ATP6V1H: variants seen among roughly 807,000 people sequenced by gnomAD.
The protein encoded by ATP6V1H is V-type proton ATPase subunit H.
ATP6V1H carries 39 observed loss-of-function variants against 71.7 expected under a neutral mutation model. The ratio of observed to expected loss-of-function variants is 0.54; its 90% CI spans 0.42 to 0.71. The LOEUF (loss-of-function observed/expected upper bound fraction) is 0.71. Ranked by LOEUF, ATP6V1H falls within the 30% of genes least tolerant of loss-of-function variation. ATP6V1H has a pLI of 0.00. For missense variants in ATP6V1H, 509 were observed against 594.9 expected (o/e 0.86, Z 1.50); for synonymous variants, 192 against 199.3 (o/e 0.96, Z 0.31).
At chr8:53,756,527 C>T (rs747827844) in intron 12 of ATP6V1H, 28 bp downstream of exon 12, 4 of 1,582,980 alleles carry the variant, frequency 2.5e-6, no homozygotes, top group Middle Eastern at 1.7e-4. Context: ...TTTCAAGAAA[C>T]CAAATGAAAT....
chr8:53,758,349 T>A (rs184736186), intron 11 of ATP6V1H, among the ~76,000 whole-genome samples: 1 of 151,884 alleles, frequency 6.6e-6, no homozygotes, highest in East Asian at 1.9e-4. Flanking sequence ...TAGCTCAGAG[T>A]CGTCAGAGCT....
chr8:53,829,636 T>C (rs1810940538), intron 3 of ATP6V1H, 103 bp from the exon 4 acceptor site: 8 of 683,844 alleles, frequency 1.2e-5, no homozygotes, highest in Non-Finnish European at 1.9e-5. Flanking sequence ...AGGATACAAA[T>C]ATTACTAACA....
At chr8:53,734,011 C>T (rs1807115389) in intron 13 of ATP6V1H, among the ~76,000 whole-genome samples, 1 of 152,168 alleles carries the variant, frequency 6.6e-6, no homozygotes, top group Non-Finnish European at 1.5e-5. Context: ...TGTTTGAGGG[C>T]CTTAACAGCA....
intron 9 of ATP6V1H, among the ~76,000 whole-genome samples, chr8:53,781,300 A>C (rs1809118448): frequency 6.6e-6 from 1 of 152,182 alleles, no homozygotes. Flanking sequence ...AGTGATGATG[A>C]GCATTTTTTC....
At chr8:53,775,952 C>T (rs916235916) in intron 9 of ATP6V1H, among the ~76,000 whole-genome samples, 1 of 152,228 alleles carries the variant, frequency 6.6e-6, no homozygotes, top group African/African-American at 2.4e-5. Context: ...GAGCAGGGGG[C>T]GGTGCTCATC....
rs1471478139 is a variant in ATP6V1H, at chr8:53,841,726, C to G, written c.-35-1G>C. ...TAATCTTGAATGTCTTTCAACAAAT[C>G]TTCAATTTTGATGCAAGGTAAAAAC... On this transcript the variant is annotated splice_acceptor_variant, in intron 1 of 13. Coordinates refer to ENST00000359530, the MANE Select transcript of ATP6V1H (RefSeq NM_015941.4). LOFTEE classifies it low-confidence loss of function (5UTR_SPLICE). 6.2e-7 allele frequency: 1 copy of G among 1,605,108 alleles called. No individual in the cohort carries two copies. Among genetic ancestry groups the G allele is most frequent in the Non-Finnish European group, 8.5e-7 (1 of 1,175,384 alleles).
intron 2 of ATP6V1H, among the ~76,000 whole-genome samples, chr8:53,837,717 C>G (rs1811205470): frequency 6.6e-6 from 1 of 152,086 alleles, no homozygotes; most frequent in South Asian, 2.1e-4. Context: ...TTTTTGAAAT[C>G]ACTCTCGCAG....
intron 13 of ATP6V1H, among the ~76,000 whole-genome samples, chr8:53,731,178 C>T (rs1028943407): frequency 3.9e-5 from 6 of 152,022 alleles, no homozygotes; most frequent in Admixed American, 1.3e-4. Context: ...CCAGCCACAT[C>T]TCCACCAACT....
intron 13 of ATP6V1H, among the ~76,000 whole-genome samples, chr8:53,734,325 A>G (rs1255996029): frequency 6.6e-6 from 1 of 152,220 alleles, no homozygotes; most frequent in Non-Finnish European, 1.5e-5. Flanking sequence ...CTTAGGCATC[A>G]GTGGACTGGG....
chr8:53,754,393 A>C (rs535972514), intron 12 of ATP6V1H, among the ~76,000 whole-genome samples: 4 of 152,252 alleles, frequency 2.6e-5, no homozygotes, highest in African/African-American at 9.6e-5. Flanking sequence ...AATTAGTTTT[A>C]TATGCCATTT....
chr8:53,733,518 T>C (rs914775997), intron 13 of ATP6V1H, among the ~76,000 whole-genome samples: 6 of 152,212 alleles, frequency 3.9e-5, no homozygotes, highest in African/African-American at 1.2e-4. Flanking sequence ...CCTGGAGGAC[T>C]GTGGGTATAA....
chr8:53,741,739 G>A (rs566870270), intron 13 of ATP6V1H, among the ~76,000 whole-genome samples: 80 of 152,268 alleles, frequency 5.3e-4, no homozygotes, highest in Non-Finnish European at 8.7e-4. Flanking sequence ...AAACCATTCT[G>A]GGGTTTTCAC....
intron 13 of ATP6V1H, among the ~76,000 whole-genome samples, chr8:53,720,105 T>A (rs1301868036): frequency 6.6e-6 from 1 of 152,210 alleles, no homozygotes; most frequent in Non-Finnish European, 1.5e-5. Flanking sequence ...AATTTCAACT[T>A]ATAATTCAGT....
chr8:53,787,453 A>G (rs1440658948), intron 9 of ATP6V1H, among the ~76,000 whole-genome samples: 1 of 152,246 alleles, frequency 6.6e-6, no homozygotes, highest in Non-Finnish European at 1.5e-5. Flanking sequence ...ATGCGTGTGC[A>G]TGTTTATGTC....
chr8:53,832,883 C>T (rs1241577783), intron 3 of ATP6V1H, 101 bp downstream of exon 3: 1 of 717,976 alleles, frequency 1.4e-6, no homozygotes, highest in African/African-American at 1.8e-5. Context: ...ACGTTCTTTC[C>T]AAATTAGCAA....
chr8:53,760,523 C>T (rs547532301), intron 11 of ATP6V1H, among the ~76,000 whole-genome samples: 2 of 152,298 alleles, frequency 1.3e-5, no homozygotes, highest in East Asian at 3.9e-4. Context: ...ACTTTATTTC[C>T]TTATATTCCT....
intron 13 of ATP6V1H, among the ~76,000 whole-genome samples, chr8:53,727,017 C>T (rs566809794): frequency 2.0e-5 from 3 of 152,224 alleles, no homozygotes; most frequent in Non-Finnish European, 4.4e-5. Flanking sequence ...TTTCAATAAA[C>T]ATGTATTTGC....
intron 9 of ATP6V1H, among the ~76,000 whole-genome samples, chr8:53,786,852 C>G (rs1423023191): frequency 6.6e-6 from 1 of 152,222 alleles, no homozygotes; most frequent in Non-Finnish European, 1.5e-5. Flanking sequence ...GTCAGCAAAA[C>G]TGAACTGCTG....
At chr8:53,772,271 A>C in intron 9 of ATP6V1H, 104 bp from the exon 10 acceptor site, 38 of 865,922 alleles carry the variant, frequency 4.4e-5, no homozygotes, top group Non-Finnish European at 6.4e-5. Context: ...TCCTATTCTC[A>C]AGTTTAACTA....
Sources: allele counts gnomAD v4.1 joint callset (sites outside exome capture counted in the v4.1 genomes callset), GRCh38; gene constraint gnomAD v4.1.1; transcripts MANE v1.5; gene names NCBI Gene and HGNC (gene_info 2026-07-23, HGNC 2026-07-21).